Variants in BBS7 observed in about 807,000 individuals in gnomAD.
BBS7 encodes the protein BBSome complex member BBS7.
In BBS7, 50 loss-of-function variants were observed where a neutral mutation model predicts 90.3. The ratio of observed to expected loss-of-function variants is 0.55; its 90% CI spans 0.44 to 0.70. The LOEUF (loss-of-function observed/expected upper bound fraction) is 0.70, where lower values mean the gene tolerates loss of function less well. Ranked by LOEUF, BBS7 falls within the 30% of genes least tolerant of loss-of-function variation. BBS7 has a pLI of 0.00. For missense variants in BBS7, 729 were observed against 838.9 expected (o/e 0.87, Z 1.62); for synonymous variants, 235 against 287.4 (o/e 0.82, Z 1.85).
At chr4:121,833,142 A>T in intron 15 of BBS7, 89 bp downstream of exon 15, 1 of 1,222,546 alleles carries the variant, frequency 8.2e-7, no homozygotes, top group Non-Finnish European at 1.2e-6. Flanking sequence ...CAATCAGATT[A>T]CTCACAAATA....
At chr4:121,828,758 T>A (rs771827408) in intron 15 of BBS7, 30 bp from the exon 16 acceptor site, 1 of 1,300,876 alleles carries the variant, frequency 7.7e-7, no homozygotes, top group Non-Finnish European at 1.1e-6. Flanking sequence ...TTTAAAAGAA[T>A]AGCTGTAGAA....
At chr4:121,863,383 T>C (rs901776444) in intron 2 of BBS7, 104 bp from the exon 3 acceptor site, 5 of 998,470 alleles carry the variant, frequency 5.0e-6, no homozygotes, top group Admixed American at 4.5e-5. Context: ...ACTGACTTAA[T>C]AGAGATCAGA....
chr4:121,857,161 C>CAGGCTGG (rs1197822680), intron 5 of BBS7, among the ~76,000 whole-genome samples: 1 of 150,692 alleles, frequency 6.6e-6, no homozygotes, highest in Non-Finnish European at 1.5e-5. Flanking sequence ...CTCTGTCATC[C>CAGGCTGG]AGGCTGGAGT....
intron 4 of BBS7, among the ~76,000 whole-genome samples, chr4:121,859,506 T>C (rs970572004): frequency 1.3e-5 from 2 of 152,178 alleles, no homozygotes; most frequent in African/African-American, 4.8e-5. Context: ...CTTTGTGTAC[T>C]ATGTGCCAAG....
chr4:121,825,858 T>C lies in BBS7; in HGVS notation c.*2A>G, dbSNP rs746139675. The C allele has an allele frequency of 5.0e-6, 8 of 1,612,788 alleles. No homozygotes were observed. The African/African-American group carries it at 6.7e-5, about 13-fold the overall frequency. On this transcript the variant is annotated 3_prime_UTR_variant, in exon 19 of 19. Coordinates refer to ENST00000264499, the MANE Select transcript of BBS7 (RefSeq NM_176824.3). ...TCTTTGGGACTTTACCTTATTTGTA[T>C]GTCATGCTGCATCGAAGAATGAAAT... is the stretch of plus-strand genomic sequence containing the variant.
Position 121,837,225 on chromosome 4 carries a change from C to CCA in BBS7, c.1372-1944_1372-1943dup, listed in dbSNP as rs1208404994. 7.2e-5 allele frequency among the ~76,000 whole-genome samples: 11 copies of CCA among 152,254 alleles called. No individual in the cohort carries two copies. In the East Asian group the frequency reaches 1.9e-3, roughly 27 times the overall value. Reference sequence around the variant, plus strand: ...CAAGTGATCCGCCTGCCTTGGCCTCCCAAAGTGCTAAGATTGCAGGCGTGA... The same window carrying CCA: ...CAAGTGATCCGCCTGCCTTGGCCTCCCACAAAGTGCTAAGATTGCAGGCGTGA... On this transcript the variant is annotated intron_variant, in intron 13 of 18. Coordinates refer to ENST00000264499, the MANE Select transcript of BBS7 (RefSeq NM_176824.3).
At chr4:121,865,351 A>G (rs1727205171) in intron 2 of BBS7, among the ~76,000 whole-genome samples, 1 of 150,994 alleles carries the variant, frequency 6.6e-6, no homozygotes, top group Non-Finnish European at 1.5e-5. Context: ...CGATTCTCCC[A>G]TGTCAGCCCC....
At chr4:121,857,920 C>T (rs181956869) in intron 5 of BBS7, among the ~76,000 whole-genome samples, 9 of 149,066 alleles carry the variant, frequency 6.0e-5, no homozygotes. Flanking sequence ...GATTCTTGTG[C>T]TTCAGCCTCC....
intron 7 of BBS7, 100 bp from the exon 8 acceptor site, chr4:121,853,186 T>C (rs1248330902): frequency 1.5e-6 from 2 of 1,320,816 alleles, no homozygotes; most frequent in Non-Finnish European, 2.1e-6. Context: ...CGACTCAGAA[T>C]GGTGAGCAAA....
In BBS7 at chr4:121,854,763, T is replaced by A; in HGVS notation, c.659A>T (p.Gln220Leu). The change falls in exon 7 of 19, where the codon CAG becomes CTG. Residue 220 changes from glutamine to leucine, a missense_variant. Transcript: ENST00000264499. ...GTSDGKLALI[Q>L]ITTSKPVRKW... ...GCGTACTGGTTTGGATGTAGTAATC[T>A]GTATAAGCGCAAGTTTTCCGTCTGA... The A allele has an allele frequency of 6.2e-7, 1 of 1,612,764 alleles. No homozygotes were observed. The highest frequency in any genetic ancestry group is 8.5e-7 in the Non-Finnish European group (1 of 1,179,102).
chr4:121,863,095 A>ACTTAC, intron 3 of BBS7, 122 bp downstream of exon 3: 2 of 903,204 alleles, frequency 2.2e-6, no homozygotes, highest in Non-Finnish European at 3.6e-6. Context: ...TCACATAACT[A>ACTTAC]CTTACCTCAG....
Position 121,825,772 on chromosome 4 carries a change from A to G in BBS7, c.*88T>C, listed in dbSNP as rs1456883701. 9 of 1,321,168 alleles carry G rather than the reference A, an allele frequency of 6.8e-6. No individual in the cohort carries two copies. The highest frequency in any genetic ancestry group is 9.4e-6 in the Non-Finnish European group (9 of 960,780). The allele number at this position is 1,321,168 out of a possible 1,614,324, so 81.8% of individuals were successfully genotyped here. A position where few individuals can be genotyped will look rare whatever the true frequency, so the allele number is the denominator to read the frequency against. The stretch of plus-strand genomic sequence containing the variant: ...TAGATATAAAAAAGCATTTGAAATT[A>G]AAGTACATACACAGTTAACTTCTAA... On this transcript the variant is annotated 3_prime_UTR_variant, in exon 19 of 19. Coordinates refer to ENST00000264499, the MANE Select transcript of BBS7 (RefSeq NM_176824.3).
chr4:121,829,416 G>A (rs1352819748), intron 15 of BBS7, among the ~76,000 whole-genome samples: 1 of 151,956 alleles, frequency 6.6e-6, no homozygotes, highest in Non-Finnish European at 1.5e-5. Flanking sequence ...TTCGTATTTT[G>A]AGTAGAGATG....
chr4:121,870,166 T>C, intron 1 of BBS7, 112 bp downstream of exon 1: 1 of 1,425,498 alleles, frequency 7.0e-7, no homozygotes, highest in Non-Finnish European at 9.9e-7. Context: ...GCCCGGCTCC[T>C]TCGCCTCCGC....
intron 5 of BBS7, among the ~76,000 whole-genome samples, chr4:121,856,751 T>C (rs1052223719): frequency 3.3e-5 from 5 of 151,710 alleles, no homozygotes; most frequent in African/African-American, 9.7e-5. Flanking sequence ...ATAGTTAATA[T>C]GGTATGACAT....
chr4:121,831,599 T>C (rs924493139), intron 15 of BBS7, among the ~76,000 whole-genome samples: 2 of 152,206 alleles, frequency 1.3e-5, no homozygotes, highest in Non-Finnish European at 2.9e-5. Flanking sequence ...GCTAGGGGCA[T>C]GTTGAATTGT....
At chr4:121,852,184 T>G (rs1053696359) in intron 8 of BBS7, among the ~76,000 whole-genome samples, 3 of 152,210 alleles carry the variant, frequency 2.0e-5, no homozygotes, top group Non-Finnish European at 2.9e-5. Context: ...TTACCTGTGC[T>G]TCAAACCACT....
At chr4:121,828,781 G>C in intron 15 of BBS7, 53 bp from the exon 16 acceptor site, 4 of 1,056,866 alleles carry the variant, frequency 3.8e-6, no homozygotes, top group Admixed American at 4.7e-5. Flanking sequence ...AAATTGTCCA[G>C]TACATATATA....
At chr4:121,852,193 C>T (rs181490507) in intron 8 of BBS7, among the ~76,000 whole-genome samples, 21 of 152,284 alleles carry the variant, frequency 1.4e-4, no homozygotes, top group African/African-American at 4.8e-4. Flanking sequence ...CTTCAAACCA[C>T]TTGTATTTTC....
Sources: allele counts gnomAD v4.1 joint callset (sites outside exome capture counted in the v4.1 genomes callset), GRCh38; gene constraint gnomAD v4.1.1; transcripts MANE v1.5; gene names NCBI Gene and HGNC (gene_info 2026-07-23, HGNC 2026-07-21).